The following MRPS6 variants were observed in gnomAD, a reference collection of about 807,000 sequenced individuals.
The protein encoded by MRPS6 is mitochondrial ribosomal protein S6.
Under a neutral mutation model 13.1 loss-of-function variants are expected in MRPS6, and 6 were observed. The observed-to-expected ratio is 0.46, with a 90% CI of 0.25 to 0.91. The LOEUF is 0.91. MRPS6 is among the 40% of genes least tolerant of loss of function. The probability of loss-of-function intolerance (pLI) is 0.18; values close to 1 mark genes in which losing one functional copy is unlikely to be tolerated. For synonymous variants in MRPS6, 61 were observed against 56.5 expected (o/e 1.08, Z -0.36); for missense variants, 164 against 155.6 (o/e 1.05, Z -0.29).
At chr21:34,086,182 T>C (rs147399220) in intron 1 of MRPS6, among the ~76,000 whole-genome samples, 146 of 152,314 alleles carry the variant, frequency 9.6e-4, no homozygotes, top group Non-Finnish European at 1.2e-3. Flanking sequence ...TGTAGACCCA[T>C]AGGTTCTAGA....
At chr21:34,076,438 A>G (rs1430867324) in intron 1 of MRPS6, among the ~76,000 whole-genome samples, 1 of 152,236 alleles carries the variant, frequency 6.6e-6, no homozygotes, top group Non-Finnish European at 1.5e-5. Context: ...ATGTAGAGTC[A>G]GTCATATTGA....
At chr21:34,106,321 A>T (rs954940246) in intron 1 of MRPS6, 1 of 313,162 alleles carries the variant, frequency 3.2e-6, no homozygotes, top group African/African-American at 2.3e-5. Flanking sequence ...TCTGGGTCTC[A>T]GAGTTGAAGA....
chr21:34,100,572 G>T, intron 1 of MRPS6: 1 of 1,000,242 alleles, frequency 1.0e-6, no homozygotes, highest in Non-Finnish European at 1.2e-6. Flanking sequence ...CAAAGAGCCT[G>T]GCCAGGGTCA....
In MRPS6 at chr21:34,073,644, C is replaced by G; in HGVS notation, c.-57C>G. 6.8e-7 allele frequency: 1 copy of G among 1,463,156 alleles called. No homozygotes were observed. The highest frequency in any genetic ancestry group is 9.3e-7 in the Non-Finnish European group (1 of 1,078,638). 90.6% of individuals were successfully genotyped at this position (1,463,156 alleles called of 1,614,324 possible). On this transcript the variant is annotated 5_prime_UTR_variant, in exon 1 of 3. Coordinates refer to ENST00000399312, the MANE Select transcript of MRPS6 (RefSeq NM_032476.4). ...GTCCCCACTGTCCCCGCCGTCCCGC[C>G]CCTTCGCGTCCCGGGAACCGGCTGG...
At chr21:34,105,676 T>C (rs1979443795) in intron 1 of MRPS6, 19 of 997,786 alleles carry the variant, frequency 1.9e-5, no homozygotes, top group Non-Finnish European at 2.3e-5. Flanking sequence ...TTGATGAACA[T>C]TAATTTTGTT....
At chr21:34,100,099 G>GC in intron 1 of MRPS6, 2 of 999,256 alleles carry the variant, frequency 2.0e-6, no homozygotes, top group Admixed American at 6.1e-5. Flanking sequence ...ATTAGCTCAA[G>GC]CTAAGGTTCA....
At chr21:34,115,089 T>C (rs940621782) in intron 1 of MRPS6, among the ~76,000 whole-genome samples, 11 of 152,236 alleles carry the variant, frequency 7.2e-5, no homozygotes, top group Admixed American at 2.0e-4. Flanking sequence ...AATTCAGCCA[T>C]GCATTATCTC....
intron 1 of MRPS6, among the ~76,000 whole-genome samples, chr21:34,115,880 A>G (rs1280707534): frequency 3.3e-5 from 5 of 151,764 alleles, no homozygotes; most frequent in African/African-American, 1.2e-4. Flanking sequence ...AATACCTTGC[A>G]TAGTCATCCG....
chr21:34,121,148 G>C (rs1980105933), intron 1 of MRPS6, among the ~76,000 whole-genome samples: 1 of 152,162 alleles, frequency 6.6e-6, no homozygotes, highest in Non-Finnish European at 1.5e-5. Flanking sequence ...CTGTAGTGCT[G>C]TTAGAAGTAA....
At chr21:34,105,566 A>G in intron 1 of MRPS6, 2 of 999,970 alleles carry the variant, frequency 2.0e-6, no homozygotes, top group Non-Finnish European at 2.4e-6. Context: ...TGCTTTGTTC[A>G]GATTTTTTGT....
chr21:34,103,333 A>G, intron 1 of MRPS6: 1 of 965,720 alleles, frequency 1.0e-6, no homozygotes, highest in Non-Finnish European at 1.2e-6. Context: ...AAAAAAAAAC[A>G]TGCATTACAT....
chr21:34,075,748 T>C (rs2148650578), intron 1 of MRPS6, among the ~76,000 whole-genome samples: 2 of 152,352 alleles, frequency 1.3e-5, no homozygotes, highest in Middle Eastern at 6.8e-3. Context: ...TATCTGTAGC[T>C]TGTAAATGTG....
At chr21:34,123,285 T>G (rs995752063) in intron 1 of MRPS6, 1 of 152,188 alleles carries the variant, frequency 6.6e-6, no homozygotes, top group Admixed American at 6.5e-5. Flanking sequence ...TCTGCAATTT[T>G]CTCTTCATTT....
At position 34,103,018 on chromosome 21, in the gene MRPS6, G is replaced by A. The variant is rs552914494; in HGVS notation, c.46-22323G>A. ...CTCTTAGACAGAGTAGTCTAGATAA[G>A]TTTTCAATTTATCAACATAGCCTAG... On this transcript the variant is annotated intron_variant, in intron 1 of 2. Coordinates refer to ENST00000399312, the MANE Select transcript of MRPS6 (RefSeq NM_032476.4). 9.0e-6 allele frequency: 9 copies of A among 999,410 alleles called. No homozygotes were observed. In the South Asian group the frequency reaches 2.8e-4, roughly 31 times the overall value. 61.9% of individuals were successfully genotyped at this position (999,410 alleles called of 1,614,324 possible). A position where few individuals can be genotyped will look rare whatever the true frequency, so the allele number is the denominator to read the frequency against.
chr21:34,137,432 A>G (rs1980747003), intron 2 of MRPS6, among the ~76,000 whole-genome samples: 1 of 152,222 alleles, frequency 6.6e-6, no homozygotes, highest in Admixed American at 6.5e-5. Context: ...TTACTAGTAT[A>G]TAGAAATAAC....
chr21:34,118,933 T>G (rs1885857242), intron 1 of MRPS6, among the ~76,000 whole-genome samples: 1 of 152,208 alleles, frequency 6.6e-6, no homozygotes, highest in Non-Finnish European at 1.5e-5. Context: ...AAAGGTTACT[T>G]TTCTAGTCAC....
intron 2 of MRPS6, among the ~76,000 whole-genome samples, chr21:34,129,126 T>A (rs1980411385): frequency 6.6e-6 from 1 of 152,090 alleles, no homozygotes; most frequent in African/African-American, 2.4e-5. Context: ...AAGATGTCAT[T>A]TATGTTAGAG....
intron 1 of MRPS6, chr21:34,124,498 T>C (rs1602958274): frequency 7.8e-6 from 1 of 128,146 alleles, no homozygotes; most frequent in Non-Finnish European, 1.7e-5. Context: ...TTGTTCAAGC[T>C]TTTTTTTTTT....
intron 1 of MRPS6, chr21:34,098,801 C>T (rs150504118): frequency 1.6e-5 from 16 of 999,684 alleles, no homozygotes; most frequent in South Asian, 1.4e-4. Context: ...CTACAGATTA[C>T]GTACTTCTGT....
Sources: allele counts gnomAD v4.1 joint callset (sites outside exome capture counted in the v4.1 genomes callset), GRCh38; gene constraint gnomAD v4.1.1; transcripts MANE v1.5; gene names NCBI Gene and HGNC (gene_info 2026-07-23, HGNC 2026-07-21).